The following C12orf54 variants were observed in gnomAD, a reference collection of about 807,000 sequenced individuals.
The protein encoded by C12orf54 is chromosome 12 open reading frame 54, also known as uncharacterized protein C12orf54.
Under a neutral mutation model 26.4 loss-of-function variants are expected in C12orf54, and 24 were observed. That is an observed-to-expected ratio of 0.91 (90% CI 0.66 to 1.28). The LOEUF is 1.28. Among genes scored for constraint, C12orf54 ranks in the 50% most tolerant of loss-of-function variants. The probability of loss-of-function intolerance (pLI) is 0.00; values close to 1 mark genes in which losing one functional copy is unlikely to be tolerated. For synonymous variants in C12orf54, 54 were observed against 47.0 expected, an observed-to-expected ratio of 1.15 and a Z score of -0.61; for missense variants, 154 against 150.9, an observed-to-expected ratio of 1.02 and a Z score of -0.11.
chr12:48,418,179 T>A, the C12orf54 span, among the ~76,000 whole-genome samples: 1 of 152,054 alleles, frequency 6.6e-6, no homozygotes, highest in South Asian at 2.1e-4. Flanking sequence ...GGAATAGGGA[T>A]TCCTTATCCA....
At chr12:48,437,157 T>G in the C12orf54 span, among the ~76,000 whole-genome samples, 1 of 152,106 alleles carries the variant, frequency 6.6e-6, no homozygotes, top group Non-Finnish European at 1.5e-5. Flanking sequence ...CTAGAAGAAA[T>G]GGATAAATTC....
At chr12:48,418,507 T>C in the C12orf54 span, among the ~76,000 whole-genome samples, 2 of 152,124 alleles carry the variant, frequency 1.3e-5, no homozygotes, top group East Asian at 1.9e-4. Flanking sequence ...ACTTAACAAG[T>C]GAATTTAGTC....
chr12:48,464,103 AG>A, the C12orf54 span, among the ~76,000 whole-genome samples: 52 of 152,256 alleles, frequency 3.4e-4, no homozygotes, highest in African/African-American at 1.2e-3. Flanking sequence ...AAAGAAATAA[AG>A]GGCATCCAAA....
At chr12:48,487,995 A>G (rs1461767344) in intron 4 of C12orf54, 10 of 828,548 alleles carry the variant, frequency 1.2e-5, no homozygotes, top group Non-Finnish European at 1.9e-5. Flanking sequence ...CTCCTTTTTA[A>G]GGAGAGTCAT....
the C12orf54 span, among the ~76,000 whole-genome samples, chr12:48,419,389 T>A: frequency 2.0e-5 from 3 of 152,144 alleles, no homozygotes; most frequent in Non-Finnish European, 4.4e-5. Flanking sequence ...TCTTGCGTGG[T>A]TTTAAGACTT....
chr12:48,415,693 C>T, the C12orf54 span, among the ~76,000 whole-genome samples: 2 of 152,072 alleles, frequency 1.3e-5, no homozygotes, highest in African/African-American at 4.8e-5. Flanking sequence ...TTCTGGAAAA[C>T]GTTTTCCTTA....
upstream of C12orf54, among the ~76,000 whole-genome samples, chr12:48,481,817 C>T (rs577384671): frequency 9.7e-4 from 148 of 152,288 alleles, no homozygotes; most frequent in East Asian, 2.7e-3. Context: ...CACTTCACCA[C>T]GACCTCCCCA....
upstream of C12orf54, among the ~76,000 whole-genome samples, chr12:48,480,043 T>C (rs969792851): frequency 6.6e-6 from 1 of 152,140 alleles, no homozygotes; most frequent in Non-Finnish European, 1.5e-5. Flanking sequence ...TTGGATACTT[T>C]CGGTCTTAAA....
the C12orf54 span, among the ~76,000 whole-genome samples, chr12:48,468,768 T>C: frequency 6.6e-6 from 1 of 152,192 alleles, no homozygotes; most frequent in African/African-American, 2.4e-5. Context: ...ACCTCTGTCT[T>C]ATAGGGGGAA....
chr12:48,428,375 A>G, the C12orf54 span, among the ~76,000 whole-genome samples: 1 of 152,198 alleles, frequency 6.6e-6, no homozygotes, highest in East Asian at 1.9e-4. Context: ...TAAATGAAAC[A>G]AAAAACTGCT....
chr12:48,463,238 G>A, the C12orf54 span, among the ~76,000 whole-genome samples: 335 of 151,812 alleles, frequency 2.2e-3, 2 homozygotes, highest in Admixed American at 6.7e-3. Context: ...AAGCTAAGGG[G>A]GATATTACTG....
At chr12:48,472,415 T>C in the C12orf54 span, among the ~76,000 whole-genome samples, 1 of 152,204 alleles carries the variant, frequency 6.6e-6, no homozygotes, top group Admixed American at 6.5e-5. Flanking sequence ...GTACAGCCAA[T>C]ACATCTATCT....
chr12:48,466,195 C>A, the C12orf54 span, among the ~76,000 whole-genome samples: 4 of 152,152 alleles, frequency 2.6e-5, no homozygotes, highest in South Asian at 8.3e-4. Flanking sequence ...TATTATAATA[C>A]AAGAAACCCA....
the C12orf54 span, among the ~76,000 whole-genome samples, chr12:48,421,763 C>T: frequency 6.6e-6 from 1 of 152,064 alleles, no homozygotes; most frequent in Non-Finnish European, 1.5e-5. Context: ...CTCCTGACCT[C>T]AGGTGATCCA....
At chr12:48,430,815 A>T in the C12orf54 span, among the ~76,000 whole-genome samples, 296 of 152,326 alleles carry the variant, frequency 1.9e-3, 1 homozygote, top group African/African-American at 6.8e-3. Context: ...CCAGAGGAAA[A>T]TCAATCATTA....
At chr12:48,463,178 C>T in the C12orf54 span, among the ~76,000 whole-genome samples, 37 of 151,824 alleles carry the variant, frequency 2.4e-4, no homozygotes, top group East Asian at 2.1e-3. Flanking sequence ...ATAAATCTAA[C>T]GAAAGATGTG....
the C12orf54 span, among the ~76,000 whole-genome samples, chr12:48,433,778 G>A: frequency 1.3e-5 from 2 of 152,194 alleles, no homozygotes; most frequent in African/African-American, 4.8e-5. Flanking sequence ...TTCTTTGCCA[G>A]CGGTGGAGCC....
At chr12:48,494,756 T>C in intron 7 of C12orf54, 42 bp from the exon 8 acceptor site, 1 of 1,591,766 alleles carries the variant, frequency 6.3e-7, no homozygotes, top group Non-Finnish European at 8.6e-7. Flanking sequence ...AAGGGTAAGA[T>C]CTCTTTCCCT....
the C12orf54 span, among the ~76,000 whole-genome samples, chr12:48,444,896 G>A: frequency 6.6e-6 from 1 of 152,198 alleles, no homozygotes; most frequent in Non-Finnish European, 1.5e-5. Flanking sequence ...TGAATGGCCG[G>A]GCGCAGTGGC....
Sources: gnomAD v4.1 joint callset for allele counts (sites outside exome capture counted in the v4.1 genomes callset) on GRCh38, gnomAD v4.1.1 for gene constraint, MANE v1.5 for transcripts, NCBI Gene and HGNC (gene_info 2026-07-23, HGNC 2026-07-21) for gene names.